The following CDKL5 variants were observed in gnomAD, a reference collection of about 807,000 sequenced individuals.
The protein encoded by CDKL5 is cyclin dependent kinase like 5.
Under a neutral mutation model 61.7 loss-of-function variants are expected in CDKL5, and 8 were observed. That is an observed-to-expected ratio of 0.13 (90% CI 0.08 to 0.23). CDKL5 has a LOEUF of 0.23. Among genes scored for constraint, CDKL5 ranks in the 10% least tolerant of loss-of-function variants. CDKL5 has a pLI of 1.00. For synonymous variants in CDKL5, 275 were observed against 272.3 expected (o/e 1.01, Z -0.10); for missense variants, 440 against 734.5 (o/e 0.60, Z 4.63).
chrX:18,508,111 T>C (rs1569198166), intron 2 of CDKL5, among the ~76,000 whole-genome samples: 2 of 112,500 alleles, frequency 1.8e-5, no homozygotes, highest in Non-Finnish European at 3.8e-5. Flanking sequence ...TGATAAATGA[T>C]TCTGTTAACA....
intron 11 of CDKL5, among the ~76,000 whole-genome samples, chrX:18,601,167 C>G (rs1249286930): frequency 9.0e-6 from 1 of 111,491 alleles, no homozygotes; most frequent in Non-Finnish European, 1.9e-5. Context: ...TAAATTTTTT[C>G]TCTCTAGGAG....
At chrX:18,605,637 A>G (rs1427875674) in intron 12 of CDKL5, among the ~76,000 whole-genome samples, 2 of 112,603 alleles carry the variant, frequency 1.8e-5, no homozygotes, top group Non-Finnish European at 3.8e-5. Context: ...TAGCATTCTT[A>G]CAGTAGAGCA....
chrX:18,519,736 T>C (rs1412364552), intron 3 of CDKL5, among the ~76,000 whole-genome samples: 1 of 111,948 alleles, frequency 8.9e-6, no homozygotes, highest in Non-Finnish European at 1.9e-5. Flanking sequence ...CTCATTGAGA[T>C]TGTGAAAAAA....
intron 1 of CDKL5, among the ~76,000 whole-genome samples, chrX:18,481,572 A>C (rs1303319087): frequency 1.0e-5 from 1 of 97,740 alleles, no homozygotes. Context: ...CATGTTGCCC[A>C]GGCTGGTCTC....
At chrX:18,475,238 C>T (rs1388546824) in intron 1 of CDKL5, among the ~76,000 whole-genome samples, 1 of 111,226 alleles carries the variant, frequency 9.0e-6, no homozygotes, top group East Asian at 2.8e-4. Context: ...GGATTATAGG[C>T]GTGAGCCACC....
intron 1 of CDKL5, among the ~76,000 whole-genome samples, chrX:18,434,958 T>C (rs986618461): frequency 8.9e-6 from 1 of 111,761 alleles, no homozygotes; most frequent in Non-Finnish European, 1.9e-5. Flanking sequence ...TGTATTATGT[T>C]TAAAGATTAG....
At chrX:18,595,563 C>G in intron 10 of CDKL5, 135 bp downstream of exon 10, 1 of 484,703 alleles carries the variant, frequency 2.1e-6, no homozygotes, top group Non-Finnish European at 3.7e-6. Context: ...GGAACTATGT[C>G]ATATTAAAAG....
intron 3 of CDKL5, among the ~76,000 whole-genome samples, chrX:18,529,727 T>C (rs1923573625): frequency 9.0e-6 from 1 of 111,275 alleles, no homozygotes; most frequent in African/African-American, 3.3e-5. Context: ...GTAATTCTTA[T>C]CCTTGTTCTC....
At chrX:18,467,265 G>T (rs1300632446) in intron 1 of CDKL5, among the ~76,000 whole-genome samples, 1 of 111,589 alleles carries the variant, frequency 9.0e-6, no homozygotes, top group South Asian at 3.8e-4. Flanking sequence ...GGCCAGTCCT[G>T]TGGATCCTGG....
At chrX:18,587,904 A>G in intron 8 of CDKL5, 50 bp from the exon 9 acceptor site, 1 of 1,095,596 alleles carries the variant, frequency 9.1e-7, no homozygotes, top group South Asian at 1.8e-5. Context: ...AAATTATCAA[A>G]ACATTATATT....
chrX:18,476,847 A>G (rs758827433), intron 1 of CDKL5, among the ~76,000 whole-genome samples: 214 of 111,034 alleles, frequency 1.9e-3, no homozygotes, highest in Non-Finnish European at 3.7e-3. Context: ...GCTCACTGCA[A>G]CCTCTGCCTC....
chrX:18,540,319 G>A (rs1255343824), intron 3 of CDKL5, among the ~76,000 whole-genome samples: 2 of 110,650 alleles, frequency 1.8e-5, no homozygotes, highest in African/African-American at 6.6e-5. Context: ...TGGGACCACA[G>A]GTGTGCACCA....
intron 4 of CDKL5, among the ~76,000 whole-genome samples, chrX:18,569,894 G>A (rs1220845696): frequency 2.7e-5 from 3 of 110,945 alleles, no homozygotes; most frequent in Non-Finnish European, 5.7e-5. Context: ...CTTAGGTTGT[G>A]TCTCTGCTTT....
intron 5 of CDKL5, 113 bp from the exon 6 acceptor site, chrX:18,579,735 T>TA (rs1264236603): frequency 3.0e-3 from 1,901 of 632,998 alleles, no homozygotes; most frequent in Non-Finnish European, 3.6e-3. Flanking sequence ...GCAAAACAAT[T>TA]AAAAAAAAAA....
At position 18,634,984 on chromosome X, in the gene CDKL5, C is replaced by CAGTGGAAAT. The variant is rs1445203541; in HGVS notation, c.*6228_*6236dup. On this transcript the variant is annotated 3_prime_UTR_variant, in exon 18 of 18. Coordinates refer to ENST00000623535, the MANE Select transcript of CDKL5 (RefSeq NM_001323289.2). ...ATCTAGTATGTGGTAGATGAAGAAT[C>CAGTGGAAAT]AGTGGAAATTCTTAATTGCACAGAC... 1.4e-6 allele frequency: 1 copy of CAGTGGAAAT among 739,104 alleles called. No individual in the cohort carries two copies. Among genetic ancestry groups the CAGTGGAAAT allele is most frequent in the Non-Finnish European group, 1.6e-6 (1 of 631,586 alleles). The allele number at this position is 739,104 out of a possible 1,213,427, so 60.9% of individuals were successfully genotyped here.
At chrX:18,583,071 A>AT (rs1029247464) in intron 7 of CDKL5, among the ~76,000 whole-genome samples, 2 of 112,109 alleles carry the variant, frequency 1.8e-5, no homozygotes, top group Non-Finnish European at 3.8e-5. Context: ...TAGCATTATG[A>AT]TTTTCAGGAA....
At chrX:18,472,541 T>C (rs916529510) in intron 1 of CDKL5, among the ~76,000 whole-genome samples, 2 of 111,930 alleles carry the variant, frequency 1.8e-5, no homozygotes, top group African/African-American at 6.5e-5. Context: ...AACGATAATA[T>C]TCCACTCTAG....
intron 4 of CDKL5, among the ~76,000 whole-genome samples, chrX:18,571,232 G>A (rs956344179): frequency 2.7e-5 from 3 of 111,194 alleles, no homozygotes; most frequent in African/African-American, 6.6e-5. Flanking sequence ...CCGCCTTGCC[G>A]TTCAGCTAAA....
chrX:18,536,907 A>G (rs1923860388), intron 3 of CDKL5, among the ~76,000 whole-genome samples: 1 of 111,343 alleles, frequency 9.0e-6, no homozygotes, highest in African/African-American at 3.3e-5. Flanking sequence ...ACTACATTAC[A>G]GAAAGTTTTA....
Sources: gnomAD v4.1 joint callset for allele counts (sites outside exome capture counted in the v4.1 genomes callset) on GRCh38, gnomAD v4.1.1 for gene constraint, MANE v1.5 for transcripts, NCBI Gene and HGNC (gene_info 2026-07-23, HGNC 2026-07-21) for gene names.